Variants in RAB3GAP2 observed in about 807,000 individuals in gnomAD.
The protein encoded by RAB3GAP2 is RAB3 GTPase activating non-catalytic protein subunit 2.
In RAB3GAP2, 87 loss-of-function variants were observed where a neutral mutation model predicts 185.3. That is an observed-to-expected ratio of 0.47 (90% CI 0.39 to 0.56). The LOEUF (loss-of-function observed/expected upper bound fraction) is 0.56, where lower values mean the gene tolerates loss of function less well. Ranked by LOEUF, RAB3GAP2 falls within the 20% of genes least tolerant of loss-of-function variation. The pLI, the probability that RAB3GAP2 is intolerant of heterozygous loss-of-function variation, is 0.00. For synonymous variants in RAB3GAP2, 554 were observed against 576.1 expected, an observed-to-expected ratio of 0.96 and a Z score of 0.55; for missense variants, 1,492 against 1,638.2, an observed-to-expected ratio of 0.91 and a Z score of 1.54.
At chr1:220,227,221 T>C (rs1470490335) in intron 2 of RAB3GAP2, among the ~76,000 whole-genome samples, 1 of 152,212 alleles carries the variant, frequency 6.6e-6, no homozygotes, top group Non-Finnish European at 1.5e-5. Context: ...AGCCTACCAG[T>C]GTCATAGATG....
Position 220,245,224 on chromosome 1 carries a change from G to A in RAB3GAP2, c.116-12361C>T, listed in dbSNP as rs181786546. 8.5e-3 allele frequency among the ~76,000 whole-genome samples: 1,299 copies of A among 152,344 alleles called. 10 individuals carry two copies. Among genetic ancestry groups the A allele is most frequent in the Non-Finnish European group, 0.014 (953 of 68,038 alleles). Reference sequence around the variant, plus strand: ...AGCTCCCAGCATGAGTGACACAGAAGACGGGTGATTTCTGCATTTCCATCT... The same window carrying A: ...AGCTCCCAGCATGAGTGACACAGAAAACGGGTGATTTCTGCATTTCCATCT... On this transcript the variant is annotated intron_variant, in intron 1 of 34. Transcript: ENST00000358951.
intron 27 of RAB3GAP2, among the ~76,000 whole-genome samples, chr1:220,162,923 T>TA (rs1657988595): frequency 6.6e-6 from 1 of 151,742 alleles, no homozygotes; most frequent in South Asian, 2.1e-4. Context: ...ACAAAATATA[T>TA]AAAAAACAAA....
intron 28 of RAB3GAP2, among the ~76,000 whole-genome samples, chr1:220,161,308 A>T (rs75122169): frequency 0.071 from 10,765 of 152,250 alleles, 510 homozygotes; most frequent in South Asian, 0.13. Flanking sequence ...GCTATTCATG[A>T]TGCAGGAATG....
chr1:220,165,864 C>A (rs931343286), intron 26 of RAB3GAP2, among the ~76,000 whole-genome samples: 1 of 152,174 alleles, frequency 6.6e-6, no homozygotes, highest in Non-Finnish European at 1.5e-5. Flanking sequence ...TATGCAGCAA[C>A]CATGGGGCTT....
intron 1 of RAB3GAP2, among the ~76,000 whole-genome samples, chr1:220,247,062 C>T (rs539088613): frequency 3.9e-5 from 6 of 152,212 alleles, no homozygotes; most frequent in African/African-American, 7.2e-5. Context: ...AAAAATACCA[C>T]CTCACTACTG....
chr1:220,167,207 T>C, intron 26 of RAB3GAP2, 86 bp downstream of exon 26: 1 of 1,184,058 alleles, frequency 8.4e-7, no homozygotes. Context: ...GTGTTTATAA[T>C]AAGCTATTTA....
At chr1:220,154,082 CTGA>C in intron 31 of RAB3GAP2, 25 bp from the exon 32 acceptor site, 7 of 1,612,162 alleles carry the variant, frequency 4.3e-6, no homozygotes, top group Non-Finnish European at 5.9e-6. Flanking sequence ...AGCAAGAAAA[CTGA>C]TGAGTGTGGA....
intron 1 of RAB3GAP2, among the ~76,000 whole-genome samples, chr1:220,262,017 C>T (rs571382682): frequency 2.3e-4 from 35 of 151,718 alleles, no homozygotes; most frequent in Middle Eastern, 3.4e-3. Flanking sequence ...AGGCCAGGCG[C>T]GGTGGCTCAC....
chr1:220,227,394 T>A (rs1004610657), intron 2 of RAB3GAP2, among the ~76,000 whole-genome samples: 1 of 152,150 alleles, frequency 6.6e-6, no homozygotes, highest in African/African-American at 2.4e-5. Flanking sequence ...CTTGTCCAGA[T>A]CCCAGTACTG....
chr1:220,170,870 G>C (rs375771918), intron 24 of RAB3GAP2, 22 bp downstream of exon 24: 2 of 1,578,040 alleles, frequency 1.3e-6, no homozygotes, highest in African/African-American at 1.4e-5. Context: ...GGATGCAAAT[G>C]CTCAAATAAA....
chr1:220,195,132 T>G lies in RAB3GAP2; in HGVS notation c.1076A>C (p.Glu359Ala), dbSNP rs756070189. 1.2e-5 allele frequency: 19 copies of G among 1,614,036 alleles called. No individual in the cohort carries two copies. The East Asian group carries it at 4.0e-4, about 34-fold the overall frequency. The change falls in exon 12 of 35, where the codon GAA becomes GCA. Residue 359 changes from glutamate (E) to alanine (A), a missense_variant. By Grantham distance (107) the Glu-to-Ala change is moderately radical. Transcript: ENST00000358951. The part of the protein sequence containing the change: ...WLGWKSKHEE[E>A]AVQKQKPKVE... ...CTTCGGCTTTTGCTTTTGGACAGCT[T>G]CTTCTTCGTGCTTACTTTTCCAACC... is the stretch of plus-strand genomic sequence containing the variant.
intron 21 of RAB3GAP2, among the ~76,000 whole-genome samples, chr1:220,181,364 C>G (rs989439859): frequency 5.9e-5 from 9 of 152,180 alleles, no homozygotes; most frequent in African/African-American, 1.2e-4. Flanking sequence ...TTCCTGGAAC[C>G]AATCTTCCAT....
At chr1:220,225,254 G>A (rs554323835) in intron 2 of RAB3GAP2, among the ~76,000 whole-genome samples, 1 of 152,202 alleles carries the variant, frequency 6.6e-6, no homozygotes, top group African/African-American at 2.4e-5. Context: ...TTACTTAGCT[G>A]CACTTTTCAC....
intron 1 of RAB3GAP2, chr1:220,267,332 G>T: frequency 9.4e-7 from 1 of 1,062,088 alleles, no homozygotes; most frequent in South Asian, 1.3e-5. Context: ...TAACCATACA[G>T]TCTGATTATA....
intron 4 of RAB3GAP2, among the ~76,000 whole-genome samples, chr1:220,211,883 G>T (rs1010688873): frequency 6.6e-6 from 1 of 152,176 alleles, no homozygotes; most frequent in South Asian, 2.1e-4. Context: ...GGCGTAAGGA[G>T]AAATATTACC....
chr1:220,201,985 T>C (rs1214808380), intron 9 of RAB3GAP2, among the ~76,000 whole-genome samples: 1 of 151,722 alleles, frequency 6.6e-6, no homozygotes, highest in African/African-American at 2.4e-5. Context: ...GCCAACATGA[T>C]GAAATCCCGT....
intron 3 of RAB3GAP2, 94 bp downstream of exon 3, chr1:220,213,762 T>C: frequency 9.3e-7 from 1 of 1,071,516 alleles, no homozygotes; most frequent in South Asian, 1.5e-5. Context: ...GAGAAATAAA[T>C]AAATAAAAAG....
chr1:220,151,539 G>T, intron 34 of RAB3GAP2, 67 bp downstream of exon 34: 2 of 1,585,664 alleles, frequency 1.3e-6, no homozygotes, highest in Non-Finnish European at 1.7e-6. Context: ...CTTCATAACT[G>T]TTATTAACCA....
At chr1:220,176,544 G>T (rs574121758) in intron 21 of RAB3GAP2, among the ~76,000 whole-genome samples, 112 of 152,318 alleles carry the variant, frequency 7.4e-4, no homozygotes, top group African/African-American at 2.6e-3. Flanking sequence ...GTACACACTA[G>T]TGTTTTGGCA....
Sources: allele counts gnomAD v4.1 joint callset (sites outside exome capture counted in the v4.1 genomes callset), GRCh38; gene constraint gnomAD v4.1.1; transcripts MANE v1.5; gene names NCBI Gene and HGNC (gene_info 2026-07-23, HGNC 2026-07-21).